DNAH3: variants seen among roughly 807,000 people sequenced by gnomAD.
DNAH3 encodes the protein axonemal beta dynein heavy chain 3.
DNAH3 carries 332 observed loss-of-function variants against 432.5 expected under a neutral mutation model. That is an observed-to-expected ratio of 0.77 (90% CI 0.70 to 0.84). DNAH3 has a LOEUF of 0.84. DNAH3 is among the 40% of genes least tolerant of loss of function. The probability of loss-of-function intolerance (pLI) is 0.00; values close to 1 mark genes in which losing one functional copy is unlikely to be tolerated. For synonymous variants in DNAH3, 1,956 were observed against 1,900.2 expected, an observed-to-expected ratio of 1.03 and a Z score of -0.76; for missense variants, 4,861 against 5,114.0, an observed-to-expected ratio of 0.95 and a Z score of 1.51.
At chr16:20,942,551 C>T (rs1047289267) in intron 58 of DNAH3, among the ~76,000 whole-genome samples, 1 of 152,152 alleles carries the variant, frequency 6.6e-6, no homozygotes, top group East Asian at 1.9e-4. Flanking sequence ...CACTAGGAAC[C>T]AAATCATGAA....
intron 43 of DNAH3, among the ~76,000 whole-genome samples, chr16:20,999,826 A>G (rs2086929592): frequency 6.6e-6 from 1 of 152,202 alleles, no homozygotes; most frequent in South Asian, 2.1e-4. Flanking sequence ...CCATTTAGTG[A>G]TAACACATTT....
chr16:21,058,286 G>GC, intron 26 of DNAH3, 90 bp from the exon 27 acceptor site: 1 of 686,160 alleles, frequency 1.5e-6, no homozygotes, highest in Middle Eastern at 3.0e-4. Context: ...CCTCACCACC[G>GC]CAACAAAAAC....
chr16:21,013,345 G>A (rs1027460666), intron 41 of DNAH3, among the ~76,000 whole-genome samples: 10 of 151,688 alleles, frequency 6.6e-5, no homozygotes, highest in Non-Finnish European at 1.2e-4. Context: ...GCACCAGCCC[G>A]GGCAGATCCC....
intron 54 of DNAH3, among the ~76,000 whole-genome samples, chr16:20,957,302 G>A (rs1382605676): frequency 6.6e-6 from 1 of 152,142 alleles, no homozygotes; most frequent in African/African-American, 2.4e-5. Flanking sequence ...TACAAAAGTA[G>A]CCATAGACAA....
exon 58 of DNAH3, chr16:20,944,508 G>C (rs371068620): frequency 1.1e-4 from 179 of 1,613,964 alleles, no homozygotes; most frequent in Non-Finnish European, 1.4e-4. Context: ...GAGGGGACTT[G>C]CCACTTCCTC....
intron 11 of DNAH3, among the ~76,000 whole-genome samples, chr16:21,118,015 TCTCA>T (rs1458176775): frequency 6.6e-6 from 1 of 152,126 alleles, no homozygotes; most frequent in Non-Finnish European, 1.5e-5. Context: ...TTTGAGACAG[TCTCA>T]CTCTATGGCC....
In DNAH3 at chr16:21,149,226, C is replaced by CAA. The variant is rs36041463; in HGVS notation, c.118-3140_118-3139dup. On this transcript the variant is annotated intron_variant, in intron 1 of 61. Coordinates refer to ENST00000261383, the Ensembl canonical transcript of DNAH3. ...CCTGGATAACAGAGACAAACTGTCT[C>CAA]AAAAAAAAAAAAAGAAAGAAAGAAA... Among the ~76,000 whole-genome samples the CAA allele has an allele frequency of 4.1e-3, 545 of 131,730 alleles. 5 individuals carry two copies. Among genetic ancestry groups the CAA allele is most frequent in the East Asian group, 0.019 (92 of 4,810 alleles). 86.4% of individuals were successfully genotyped at this position (131,730 alleles called of 152,430 possible).
At position 20,980,262 on chromosome 16, in the gene DNAH3, ATAT is replaced by A. The variant is rs1447501078; in HGVS notation, c.7860-719_7860-717del. 1.4e-3 allele frequency among the ~76,000 whole-genome samples: 195 copies of A among 140,732 alleles called. 1 individual carries two copies. The highest frequency in any genetic ancestry group is 2.2e-3 in the Non-Finnish European group (143 of 65,704). 92.3% of individuals were successfully genotyped at this position (140,732 alleles called of 152,430 possible). On this transcript the variant is annotated intron_variant, in intron 49 of 61. Coordinates refer to ENST00000261383, the Ensembl canonical transcript of DNAH3. ...ATATATATAATATACATCATATATTATATTATAATATACATCATATATTATAAT... is the reference window on the plus strand; with the variant it reads ...ATATATATAATATACATCATATATTATATAATATACATCATATATTATAAT...
chr16:21,137,603 A>C (rs2092661771), intron 5 of DNAH3, among the ~76,000 whole-genome samples: 1 of 151,856 alleles, frequency 6.6e-6, no homozygotes, highest in Admixed American at 6.6e-5. Flanking sequence ...TTGTATTTTT[A>C]GTGGAGACGG....
intron 8 of DNAH3, among the ~76,000 whole-genome samples, chr16:21,127,219 G>A (rs1462153656): frequency 1.3e-5 from 2 of 151,830 alleles, no homozygotes; most frequent in Non-Finnish European, 2.9e-5. Context: ...AAGGCAGAGG[G>A]AGACCAGGCA....
chr16:21,144,433 C>T (rs955636809), intron 3 of DNAH3, among the ~76,000 whole-genome samples: 2 of 152,140 alleles, frequency 1.3e-5, no homozygotes, highest in African/African-American at 4.8e-5. Context: ...CTATGGCCAA[C>T]AGCCAGCAAG....
At chr16:21,102,055 T>G (rs1005409941) in intron 16 of DNAH3, among the ~76,000 whole-genome samples, 6 of 152,238 alleles carry the variant, frequency 3.9e-5, no homozygotes, top group Non-Finnish European at 8.8e-5. Context: ...TGCATGAATA[T>G]GGCTTAATCC....
chr16:21,002,635 AT>A (rs2087082412), intron 42 of DNAH3, among the ~76,000 whole-genome samples: 1 of 151,900 alleles, frequency 6.6e-6, no homozygotes. Flanking sequence ...CTAATTTTGT[AT>A]TTTTAGTAGA....
At chr16:21,031,865 T>C (rs1285637165) in intron 36 of DNAH3, among the ~76,000 whole-genome samples, 1 of 151,938 alleles carries the variant, frequency 6.6e-6, no homozygotes, top group African/African-American at 2.4e-5. Flanking sequence ...CTGTCTCCAC[T>C]AAAAATGCAA....
chr16:21,021,281 C>T (rs1485053043), intron 40 of DNAH3, among the ~76,000 whole-genome samples: 1 of 152,132 alleles, frequency 6.6e-6, no homozygotes, highest in Non-Finnish European at 1.5e-5. Context: ...AATAAGTCTA[C>T]ATTTACTTTT....
At chr16:20,963,804 G>A (rs200204930) in exon 53 of DNAH3, 96 of 1,614,022 alleles carry the variant, frequency 5.9e-5, no homozygotes, top group Admixed American at 5.2e-4. Flanking sequence ...AACGGCACAC[G>A]TTGTTGTAGA....
Position 20,967,564 on chromosome 16 carries a change from G to A in DNAH3, c.8459-2139C>T, listed in dbSNP as rs572498049. 4.8e-5 allele frequency among the ~76,000 whole-genome samples: 7 copies of A among 146,064 alleles called. No homozygotes were observed. In the East Asian group the frequency reaches 6.1e-4, roughly 13 times the overall value. On this transcript the variant is annotated intron_variant, in intron 52 of 61. Coordinates refer to ENST00000261383, the Ensembl canonical transcript of DNAH3. Reference sequence around the variant, plus strand: ...GTTGCCCAGGCTGGAGTGCAATGGCGTGGTCTCGGCTCACTGCAACTTCTG... The same window carrying A: ...GTTGCCCAGGCTGGAGTGCAATGGCATGGTCTCGGCTCACTGCAACTTCTG...
intron 10 of DNAH3, chr16:21,120,886 G>T: frequency 6.5e-7 from 1 of 1,529,714 alleles, no homozygotes; most frequent in Non-Finnish European, 9.0e-7. Flanking sequence ...CAAATTACAG[G>T]GTCTTTTCTT....
intron 24 of DNAH3, 185 bp from the exon 25 acceptor site, chr16:21,062,868 T>C: frequency 1.7e-6 from 1 of 594,056 alleles, no homozygotes; most frequent in Non-Finnish European, 3.0e-6. Context: ...TTTGCTTTTC[T>C]TAAGAGATGA....
Sources: gnomAD v4.1 joint callset for allele counts (sites outside exome capture counted in the v4.1 genomes callset) on GRCh38, gnomAD v4.1.1 for gene constraint, MANE v1.5 for transcripts, NCBI Gene and HGNC (gene_info 2026-07-23, HGNC 2026-07-21) for gene names.